MTMR3: variants seen among roughly 807,000 people sequenced by gnomAD.
MTMR3 encodes the protein myotubularin related protein 3.
A neutral mutation model predicts 132.4 loss-of-function variants in MTMR3; 32 were observed. That is an observed-to-expected ratio of 0.24 (90% CI 0.18 to 0.32). The LOEUF is 0.32. MTMR3 is among the 10% of genes least tolerant of loss of function. The pLI is 1.00. For synonymous variants in MTMR3, 556 were observed against 550.3 expected, an observed-to-expected ratio of 1.01 and a Z score of -0.14; for missense variants, 1,216 against 1,489.6, an observed-to-expected ratio of 0.82 and a Z score of 3.02.
intron 2 of MTMR3, among the ~76,000 whole-genome samples, chr22:29,962,507 C>G (rs2066331413): frequency 6.6e-6 from 1 of 151,894 alleles, no homozygotes; most frequent in Non-Finnish European, 1.5e-5. Flanking sequence ...CCCTTTTCCC[C>G]CCACAAAAAT....
At chr22:30,016,395 T>C in intron 14 of MTMR3, 133 bp from the exon 15 acceptor site, 1 of 1,012,654 alleles carries the variant, frequency 9.9e-7, no homozygotes, top group South Asian at 1.6e-5. Context: ...CTGCATGGCT[T>C]ACTGGGTTCC....
intron 15 of MTMR3, 136 bp downstream of exon 15, chr22:30,016,834 C>T: frequency 9.6e-7 from 1 of 1,037,824 alleles, no homozygotes; most frequent in South Asian, 1.6e-5. Flanking sequence ...TCCATTTTTC[C>T]CCCATGATTC....
intron 1 of MTMR3, among the ~76,000 whole-genome samples, chr22:29,906,609 T>C (rs1314854634): frequency 6.6e-6 from 1 of 151,954 alleles, no homozygotes; most frequent in Non-Finnish European, 1.5e-5. Flanking sequence ...GTGCTGGGAT[T>C]ATAGGGATGA....
At chr22:30,000,334 G>A (rs527882091) in intron 8 of MTMR3, 6 of 152,276 alleles carry the variant, frequency 3.9e-5, no homozygotes, top group Admixed American at 2.6e-4. Context: ...GGTTGCAGGT[G>A]GCTGTAGTCC....
rs755138094 is a variant in MTMR3, at chr22:29,991,559, G to A, written c.349G>A (p.Ala117Thr). ...AGAGTGGCTGAAGAGACTGAACAAC[G>A]CAATCCGACCACCTGCTAAAATAGA... ...CQEWLKRLNN[A>T]IRPPAKIEDL... The change falls in exon 7 of 20, where the codon GCA (alanine) becomes ACA (threonine). Residue 117 changes from alanine to threonine, a missense_variant. Around this residue, in one of 7 missense-constraint regions of MTMR3, gnomAD observed 129 missense variants for 245.7 expected, o/e 0.53. Coordinates refer to ENST00000401950, the MANE Select transcript of MTMR3 (RefSeq NM_021090.4). The A allele has an allele frequency of 8.4e-5, 136 of 1,613,848 alleles. No homozygotes were observed. The highest frequency in any genetic ancestry group is 1.1e-4 in the Non-Finnish European group (129 of 1,179,966).
chr22:30,012,697 G>A, intron 13 of MTMR3, 134 bp downstream of exon 13: 1 of 951,628 alleles, frequency 1.1e-6, no homozygotes, highest in Non-Finnish European at 1.5e-6. Context: ...GTTCCTTTAT[G>A]CCATGAGCTA....
chr22:29,993,197 C>T (rs779839387), intron 7 of MTMR3: 2 of 152,224 alleles, frequency 1.3e-5, no homozygotes, highest in Non-Finnish European at 2.9e-5. Flanking sequence ...CCACACCAAC[C>T]TTGGAAGTTT....
chr22:30,011,160 C>T (rs2067411065), intron 12 of MTMR3: 1 of 152,192 alleles, frequency 6.6e-6, no homozygotes, highest in African/African-American at 2.4e-5. Context: ...AGTCCCCTGA[C>T]AGAAATGTTT....
rs116908007 is a variant in MTMR3, at chr22:29,919,406, A to G, written c.-138+36047A>G. Among the ~76,000 whole-genome samples the G allele has an allele frequency of 8.3e-4, 126 of 152,376 alleles. 1 individual carries two copies. In the East Asian group the frequency reaches 0.022, roughly 26 times the overall value. On this transcript the variant is annotated intron_variant, in intron 1 of 19. Transcript: ENST00000401950. ...ATTGAAAGCAAAAGCTAGCTGAGAA[A>G]GGAAAGCTTTTCTCATCAAAGAGGT...
At chr22:29,963,854 AAAG>A (rs1463388224) in intron 2 of MTMR3, among the ~76,000 whole-genome samples, 2 of 151,884 alleles carry the variant, frequency 1.3e-5, no homozygotes, top group African/African-American at 4.8e-5. Flanking sequence ...AAAAAAAAAA[AAAG>A]AGGAATGAAG....
At chr22:29,989,072 C>T (rs993659123) in intron 6 of MTMR3, 6 of 152,230 alleles carry the variant, frequency 3.9e-5, no homozygotes, top group Admixed American at 3.9e-4. Context: ...ATACATGTTC[C>T]AATTTTGTCA....
At chr22:29,895,489 A>C (rs193116559) in intron 1 of MTMR3, among the ~76,000 whole-genome samples, 1 of 152,290 alleles carries the variant, frequency 6.6e-6, no homozygotes, top group Admixed American at 6.5e-5. Flanking sequence ...CCCTGCAAAA[A>C]ATTTTCTAGA....
chr22:29,900,315 T>C (rs1602429581), intron 1 of MTMR3, among the ~76,000 whole-genome samples: 1 of 152,304 alleles, frequency 6.6e-6, no homozygotes, highest in South Asian at 2.1e-4. Context: ...TCACTTTTTT[T>C]TGTATAAGTG....
chr22:30,012,232 A>G, intron 12 of MTMR3, 136 bp from the exon 13 acceptor site: 2 of 864,978 alleles, frequency 2.3e-6, no homozygotes, highest in African/African-American at 1.7e-5. Flanking sequence ...ATAAACACAC[A>G]GATTTTTTTG....
chr22:29,909,909 A>T (rs11704655), intron 1 of MTMR3, among the ~76,000 whole-genome samples: 40,615 of 151,884 alleles, frequency 0.27, 5,538 homozygotes, highest in South Asian at 0.37. Context: ...TAATCCCAGC[A>T]CTTTGGGAGG....
chr22:30,022,016 T>C lies in MTMR3; in HGVS notation c.3226-13T>C. 1 of 1,601,092 alleles carries C rather than the reference T, an allele frequency of 6.2e-7. No homozygotes were observed. The highest frequency in any genetic ancestry group is 8.6e-7 in the Non-Finnish European group (1 of 1,168,090). ...CAGGTTCATTCTGTTCAGCTGTGTT[T>C]GTTTGCCAACAGACTTCAATCCCCG... On this transcript the variant is annotated splice_polypyrimidine_tract_variant and intron_variant, in intron 17 of 19. Coordinates refer to ENST00000401950, the MANE Select transcript of MTMR3 (RefSeq NM_021090.4).
At chr22:29,949,158 C>T (rs1286538514) in intron 1 of MTMR3, among the ~76,000 whole-genome samples, 3 of 78,534 alleles carry the variant, frequency 3.8e-5, no homozygotes, top group East Asian at 4.2e-4. Context: ...CCCCCCCCCC[C>T]CCGAGGCCCT....
At chr22:29,983,836 G>A (rs1175519749) in intron 5 of MTMR3, 1 of 152,128 alleles carries the variant, frequency 6.6e-6, no homozygotes, top group African/African-American at 2.4e-5. Context: ...GATGATGTCT[G>A]TGTTGCCCAG....
Position 30,017,909 on chromosome 22 carries a change from G to A in MTMR3, c.1675-18G>A, listed in dbSNP as rs1217860716. The A allele has an allele frequency of 6.2e-7, 1 of 1,612,218 alleles. No individual in the cohort carries two copies. The highest frequency in any genetic ancestry group is 8.5e-7 in the Non-Finnish European group (1 of 1,179,390). On this transcript the variant is annotated intron_variant, in intron 15 of 19. Transcript: ENST00000401950. Reference sequence around the variant, plus strand: ...CTTATTGGGGCATATTTAAACCTGTGTCCTCCCCCCTCCTCAGGTGCTGTA... The same window carrying A: ...CTTATTGGGGCATATTTAAACCTGTATCCTCCCCCCTCCTCAGGTGCTGTA...
Sources: allele counts gnomAD v4.1 joint callset (sites outside exome capture counted in the v4.1 genomes callset), GRCh38; gene constraint gnomAD v4.1.1; regional missense constraint gnomAD v4.1.1; transcripts MANE v1.5; gene names NCBI Gene and HGNC (gene_info 2026-07-23, HGNC 2026-07-21).